NDUFAF2: variants seen among roughly 807,000 people sequenced by gnomAD.
NDUFAF2 encodes the protein NADH:ubiquinone oxidoreductase complex assembly factor 2, also known as NADH dehydrogenase [ubiquinone] 1 alpha subcomplex assembly factor 2.
A neutral mutation model predicts 22.8 loss-of-function variants in NDUFAF2; 13 were observed. The observed-to-expected ratio is 0.57, with a 90% CI of 0.37 to 0.91. NDUFAF2 has a LOEUF of 0.91. NDUFAF2 is among the 40% of genes least tolerant of loss of function. NDUFAF2 has a pLI of 0.01. For synonymous variants in NDUFAF2, 53 were observed against 64.2 expected, an observed-to-expected ratio of 0.83 and a Z score of 0.84; for missense variants, 162 against 195.2, an observed-to-expected ratio of 0.83 and a Z score of 1.01.
chr5:60,989,283 A>G (rs929200466), intron 1 of NDUFAF2, among the ~76,000 whole-genome samples: 2 of 152,202 alleles, frequency 1.3e-5, no homozygotes, highest in Admixed American at 1.3e-4. Flanking sequence ...GGTTATAGAG[A>G]AGAGGGAACA....
intron 1 of NDUFAF2, among the ~76,000 whole-genome samples, chr5:60,948,586 A>T (rs1750497964): frequency 6.6e-6 from 1 of 151,178 alleles, no homozygotes; most frequent in Non-Finnish European, 1.5e-5. Context: ...TTCTTCACTC[A>T]GCATAATTAT....
chr5:61,137,153 A>G (rs935966169), intron 3 of NDUFAF2, among the ~76,000 whole-genome samples: 3 of 152,128 alleles, frequency 2.0e-5, no homozygotes, highest in African/African-American at 7.2e-5. Flanking sequence ...CACATGAAGT[A>G]TCTGTTCTTG....
At chr5:61,049,689 T>C (rs1404213344) in intron 1 of NDUFAF2, among the ~76,000 whole-genome samples, 2 of 152,094 alleles carry the variant, frequency 1.3e-5, no homozygotes, top group African/African-American at 2.4e-5. Flanking sequence ...AGTATTTGTC[T>C]TTTTTGTGTC....
Position 61,053,869 on chromosome 5 carries a change from T to C in NDUFAF2, c.128-19256T>C, listed in dbSNP as rs1056118362. 2.0e-5 allele frequency among the ~76,000 whole-genome samples: 3 copies of C among 152,188 alleles called. No individual in the cohort carries two copies. The South Asian group carries it at 6.2e-4, about 32-fold the overall frequency. ...GGAAATATTGAAATAAAATATATTT[T>C]GTTGAAAGTTTGCATTGTCAGGGAG... On this transcript the variant is annotated intron_variant, in intron 1 of 3. Transcript: ENST00000296597.
chr5:61,143,605 T>C (rs1741088176), intron 3 of NDUFAF2, among the ~76,000 whole-genome samples: 1 of 152,138 alleles, frequency 6.6e-6, no homozygotes, highest in African/African-American at 2.4e-5. Flanking sequence ...TATAACTTTT[T>C]ATAAATCCGG....
chr5:61,121,178 TATAGTC>T (rs1752971838), intron 3 of NDUFAF2, among the ~76,000 whole-genome samples: 1 of 152,180 alleles, frequency 6.6e-6, no homozygotes, highest in Non-Finnish European at 1.5e-5. Context: ...ATGTTAGTCC[TATAGTC>T]ATAAAGAATT....
chr5:61,039,301 A>G (rs1751842728), intron 1 of NDUFAF2, among the ~76,000 whole-genome samples: 2 of 152,150 alleles, frequency 1.3e-5, no homozygotes, highest in South Asian at 2.1e-4. Flanking sequence ...CAAGCATATT[A>G]TAGAATTCAT....
intron 1 of NDUFAF2, among the ~76,000 whole-genome samples, chr5:61,065,813 C>T (rs918096951): frequency 4.6e-5 from 7 of 152,038 alleles, no homozygotes; most frequent in Admixed American, 1.3e-4. Context: ...CCTGCCACTT[C>T]TGTTCAGCGT....
At chr5:61,133,996 T>A (rs80120114) in intron 3 of NDUFAF2, among the ~76,000 whole-genome samples, 19,949 of 152,198 alleles carry the variant, frequency 0.13, 1,486 homozygotes, top group African/African-American at 0.2. Context: ...TATAGGGCTA[T>A]TTGTAATAGT....
At chr5:61,025,252 A>G (rs924889649) in intron 1 of NDUFAF2, among the ~76,000 whole-genome samples, 5 of 152,194 alleles carry the variant, frequency 3.3e-5, no homozygotes, top group Middle Eastern at 3.4e-3. Flanking sequence ...GAGATGTTCA[A>G]TATATATTTA....
chr5:61,075,877 T>C (rs1033724353), intron 2 of NDUFAF2, among the ~76,000 whole-genome samples: 1 of 152,192 alleles, frequency 6.6e-6, no homozygotes, highest in Non-Finnish European at 1.5e-5. Flanking sequence ...TCCCACAATG[T>C]AGATTAAACA....
chr5:60,993,232 C>A (rs1167690443), intron 1 of NDUFAF2, among the ~76,000 whole-genome samples: 1 of 152,244 alleles, frequency 6.6e-6, no homozygotes, highest in African/African-American at 2.4e-5. Context: ...GCTTCCATAG[C>A]TGTCACTGGG....
chr5:61,117,680 T>TAA (rs76823566), intron 3 of NDUFAF2, among the ~76,000 whole-genome samples: 164 of 151,018 alleles, frequency 1.1e-3, no homozygotes, highest in South Asian at 1.9e-3. Flanking sequence ...GACTTTTTTT[T>TAA]AAAAAAAAAA....
intron 2 of NDUFAF2, among the ~76,000 whole-genome samples, chr5:61,090,939 A>C (rs1752559384): frequency 6.6e-6 from 1 of 151,952 alleles, no homozygotes; most frequent in South Asian, 2.1e-4. Flanking sequence ...AACATGCATT[A>C]TTTGGTTTTC....
chr5:61,002,584 T>A (rs1299930146), intron 1 of NDUFAF2, among the ~76,000 whole-genome samples: 1 of 152,214 alleles, frequency 6.6e-6, no homozygotes, highest in East Asian at 1.9e-4. Context: ...AATAGTTGCC[T>A]ATTTTCCCTT....
intron 1 of NDUFAF2, among the ~76,000 whole-genome samples, chr5:61,021,715 T>C (rs1319147390): frequency 1.3e-5 from 2 of 152,246 alleles, no homozygotes; most frequent in Admixed American, 6.5e-5. Flanking sequence ...GTATTTAATA[T>C]TATGCCTTTT....
rs113581007 is a variant in NDUFAF2 at position 60,945,629 on chromosome 5, C to T, written c.127+247C>T. Among the ~76,000 whole-genome samples, 90 of 152,338 alleles carry T rather than the reference C, an allele frequency of 5.9e-4. 1 individual carries two copies. Among genetic ancestry groups the T allele is most frequent in the African/African-American group, 2.0e-3 (85 of 41,590 alleles). ...GGTCCCTACTACCCAGCGCCTTCCC[C>T]CGGCGTGCCCCGGGCTGCTTGCGCT... On this transcript the variant is annotated intron_variant, in intron 1 of 3. Transcript: ENST00000296597.
chr5:61,084,486 C>T (rs1225803412), intron 2 of NDUFAF2, among the ~76,000 whole-genome samples: 1 of 152,100 alleles, frequency 6.6e-6, no homozygotes, highest in Non-Finnish European at 1.5e-5. Context: ...CTCCTTTCTC[C>T]CAGTCTTTGG....
intron 1 of NDUFAF2, among the ~76,000 whole-genome samples, chr5:61,026,821 T>C (rs908906678): frequency 6.6e-6 from 1 of 152,000 alleles, no homozygotes; most frequent in African/African-American, 2.4e-5. Context: ...CAAAAAGTTC[T>C]TTCTTTTGTT....
Sources: gnomAD v4.1 joint callset for allele counts (sites outside exome capture counted in the v4.1 genomes callset) on GRCh38, gnomAD v4.1.1 for gene constraint, MANE v1.5 for transcripts, NCBI Gene and HGNC (gene_info 2026-07-23, HGNC 2026-07-21) for gene names.